PTPDC1: variants seen among roughly 807,000 people sequenced by gnomAD.
PTPDC1 encodes protein tyrosine phosphatase domain-containing protein 1.
In PTPDC1, 53 loss-of-function variants were observed where a neutral mutation model predicts 75.3. That is an observed-to-expected ratio of 0.70 (90% CI 0.56 to 0.88). The LOEUF is 0.88. Ranked by LOEUF, PTPDC1 falls within the 40% of genes least tolerant of loss-of-function variation. The pLI, the probability that PTPDC1 is intolerant of heterozygous loss-of-function variation, is 0.00. For synonymous variants in PTPDC1, 349 were observed against 366.2 expected (o/e 0.95, Z 0.54); for missense variants, 925 against 998.6 (o/e 0.93, Z 0.99).
intron 2 of PTPDC1, among the ~76,000 whole-genome samples, chr9:94,074,133 A>C (rs1217363182): frequency 1.3e-5 from 2 of 152,052 alleles, no homozygotes; most frequent in African/African-American, 4.8e-5. Flanking sequence ...TGTATTCTGG[A>C]CATTTTGGGT....
At chr9:94,053,809 A>G (rs1825854836) in intron 1 of PTPDC1, among the ~76,000 whole-genome samples, 1 of 152,250 alleles carries the variant, frequency 6.6e-6, no homozygotes, top group Non-Finnish European at 1.5e-5. Context: ...CAGGAAGAGT[A>G]AATAAGGATA....
At chr9:94,091,230 G>T (rs1482083208) in intron 4 of PTPDC1, among the ~76,000 whole-genome samples, 1 of 151,880 alleles carries the variant, frequency 6.6e-6, no homozygotes, top group African/African-American at 2.4e-5. Flanking sequence ...GTCATAGATA[G>T]CTCTTATTAT....
intron 1 of PTPDC1, among the ~76,000 whole-genome samples, chr9:94,063,660 A>G (rs1826211823): frequency 6.6e-6 from 1 of 152,172 alleles, no homozygotes; most frequent in Non-Finnish European, 1.5e-5. Context: ...TTGCTTTTAG[A>G]AGTAAAATTT....
At chr9:94,032,735 G>A (rs1426303158) in intron 1 of PTPDC1, among the ~76,000 whole-genome samples, 2 of 152,010 alleles carry the variant, frequency 1.3e-5, no homozygotes, top group East Asian at 3.8e-4. Context: ...CGCCCAGTCT[G>A]GTCTCATACT....
At chr9:94,049,908 C>A (rs948569434) in intron 1 of PTPDC1, among the ~76,000 whole-genome samples, 3 of 152,170 alleles carry the variant, frequency 2.0e-5, no homozygotes, top group Non-Finnish European at 4.4e-5. Flanking sequence ...AGGCTTTGTT[C>A]ATTTCTTTTT....
At chr9:94,094,594 G>C (rs1429824000) in intron 4 of PTPDC1, among the ~76,000 whole-genome samples, 1 of 152,154 alleles carries the variant, frequency 6.6e-6, no homozygotes, top group Admixed American at 6.5e-5. Flanking sequence ...TTGAGCTGTG[G>C]TGGGCTCCAC....
upstream of PTPDC1, among the ~76,000 whole-genome samples, chr9:94,080,619 A>G (rs950475214): frequency 9.5e-4 from 144 of 152,368 alleles, 1 homozygote; most frequent in Non-Finnish European, 3.7e-4. Flanking sequence ...TCATGAGGAA[A>G]CTGCATGCCC....
At chr9:94,087,224 G>A (rs1243656462) in intron 2 of PTPDC1, among the ~76,000 whole-genome samples, 1 of 152,134 alleles carries the variant, frequency 6.6e-6, no homozygotes, top group Non-Finnish European at 1.5e-5. Flanking sequence ...AATAATTTAT[G>A]TCTTGGAATT....
intron 7 of PTPDC1, among the ~76,000 whole-genome samples, chr9:94,104,023 C>A (rs140010801): frequency 1.1e-4 from 17 of 152,342 alleles, no homozygotes; most frequent in African/African-American, 4.1e-4. Context: ...TAAAAGTGCA[C>A]TGATCTTCAA....
chr9:94,048,300 G>A (rs1438558360), intron 1 of PTPDC1, among the ~76,000 whole-genome samples: 1 of 152,026 alleles, frequency 6.6e-6, no homozygotes, highest in Admixed American at 6.6e-5. Flanking sequence ...TGATGTTAGG[G>A]TGTCAATTTT....
intron 2 of PTPDC1, among the ~76,000 whole-genome samples, chr9:94,073,468 G>A (rs1195446635): frequency 6.6e-6 from 1 of 152,048 alleles, no homozygotes; most frequent in African/African-American, 2.4e-5. Context: ...CCTGATATGG[G>A]TGATTTGTGT....
At chr9:94,090,964 C>G (rs1031895942) in intron 4 of PTPDC1, among the ~76,000 whole-genome samples, 31 of 152,254 alleles carry the variant, frequency 2.0e-4, no homozygotes, top group Non-Finnish European at 3.5e-4. Context: ...TGCCTGTCAG[C>G]TTAAGGAGAT....
Position 94,084,653 on chromosome 9 carries a change from T to C in PTPDC1, c.123T>C (p.Ser41=). 2 of 1,613,472 alleles carry C rather than the reference T, an allele frequency of 1.2e-6. No homozygotes were observed. Among genetic ancestry groups the C allele is most frequent in the Non-Finnish European group, 1.7e-6 (2 of 1,179,718 alleles). ...VLRLQQARRG[S]GLGSGSATKL... is the part of the protein sequence containing the mutation. ...GGCTGCAGCAGGCCCGGCGGGGCTCTGGCTTGGGCTCCGGCTCTGCCACGA... is the reference window on the plus strand; with the variant it reads ...GGCTGCAGCAGGCCCGGCGGGGCTCCGGCTTGGGCTCCGGCTCTGCCACGA... Residue 41 remains serine, a synonymous_variant, in exon 1 of 9, where the codon TCT becomes TCC. Transcript: ENST00000620992.
At chr9:94,038,410 T>C in intron 1 of PTPDC1, 1 of 372,708 alleles carries the variant, frequency 2.7e-6, no homozygotes, top group African/African-American at 2.1e-5. Flanking sequence ...CATACTTTAA[T>C]AGATCTCATA....
intron 1 of PTPDC1, among the ~76,000 whole-genome samples, chr9:94,058,566 G>T (rs1405632580): frequency 2.7e-5 from 4 of 150,786 alleles, no homozygotes; most frequent in Non-Finnish European, 4.4e-5. Flanking sequence ...AATTAACCGG[G>T]TGTAGTGGCA....
At chr9:94,089,186 G>A (rs1044767555) in intron 4 of PTPDC1, among the ~76,000 whole-genome samples, 8 of 140,654 alleles carry the variant, frequency 5.7e-5, no homozygotes, top group South Asian at 2.3e-4. Flanking sequence ...CCACTAACTC[G>A]TCATCTAGCA....
chr9:94,036,995 C>T (rs1204825636), intron 1 of PTPDC1, among the ~76,000 whole-genome samples: 1 of 152,134 alleles, frequency 6.6e-6, no homozygotes, highest in African/African-American at 2.4e-5. Flanking sequence ...TTACTATGTG[C>T]CAGGCATTGT....
upstream of PTPDC1, among the ~76,000 whole-genome samples, chr9:94,080,844 T>C (rs544072274): frequency 5.4e-4 from 82 of 152,328 alleles, no homozygotes; most frequent in African/African-American, 1.4e-3. Flanking sequence ...CAAGTAGTAA[T>C]ATCTCAACCA....
intron 1 of PTPDC1, among the ~76,000 whole-genome samples, chr9:94,046,208 C>T (rs1423445128): frequency 1.3e-5 from 2 of 152,176 alleles, no homozygotes; most frequent in Admixed American, 6.5e-5. Flanking sequence ...GTCTATATCT[C>T]TGCTTTGGTA....
Sources: allele counts gnomAD v4.1 joint callset (sites outside exome capture counted in the v4.1 genomes callset), GRCh38; gene constraint gnomAD v4.1.1; transcripts MANE v1.5; gene names NCBI Gene and HGNC (gene_info 2026-07-23, HGNC 2026-07-21).